The following PCDH9 variants were observed in gnomAD, a reference collection of about 807,000 sequenced individuals.
The protein encoded by PCDH9 is protocadherin 9, also known as protocadherin-9.
In PCDH9, 24 loss-of-function variants were observed where a neutral mutation model predicts 70.6. The observed-to-expected ratio is 0.34, with a 90% CI of 0.25 to 0.48. The LOEUF is 0.48. Ranked by LOEUF, PCDH9 falls within the 20% of genes least tolerant of loss-of-function variation. The probability of loss-of-function intolerance (pLI) is 0.99; values close to 1 mark genes in which losing one functional copy is unlikely to be tolerated. For synonymous variants in PCDH9, 562 were observed against 558.5 expected (o/e 1.01, Z -0.09); for missense variants, 1,281 against 1,503.6 (o/e 0.85, Z 2.45).
At chr13:66,919,418 T>C (rs1235237679) in intron 2 of PCDH9, among the ~76,000 whole-genome samples, 4 of 151,250 alleles carry the variant, frequency 2.6e-5, no homozygotes, top group Non-Finnish European at 5.9e-5. Context: ...TGTATGCTAA[T>C]TGTGTGCATG....
At chr13:66,474,005 T>A (rs893925879) in intron 4 of PCDH9, among the ~76,000 whole-genome samples, 1 of 152,162 alleles carries the variant, frequency 6.6e-6, no homozygotes, top group Non-Finnish European at 1.5e-5. Flanking sequence ...CTATTTAAAA[T>A]TTCCAAAATC....
At chr13:66,695,559 C>G (rs993272948) in intron 3 of PCDH9, among the ~76,000 whole-genome samples, 3 of 152,070 alleles carry the variant, frequency 2.0e-5, no homozygotes, top group African/African-American at 7.2e-5. Flanking sequence ...TATATTATAC[C>G]ATAATTACAT....
intron 2 of PCDH9, among the ~76,000 whole-genome samples, chr13:67,161,415 T>G (rs1213229193): frequency 6.6e-6 from 1 of 152,172 alleles, no homozygotes; most frequent in African/African-American, 2.4e-5. Context: ...ACATCCATGC[T>G]TAAAGCTTTT....
intron 2 of PCDH9, among the ~76,000 whole-genome samples, chr13:66,969,430 T>C (rs1262905010): frequency 6.6e-6 from 1 of 152,072 alleles, no homozygotes; most frequent in African/African-American, 2.4e-5. Context: ...TAATAATAAA[T>C]TGAAATCACT....
At chr13:67,160,642 A>T (rs2087932641) in intron 2 of PCDH9, among the ~76,000 whole-genome samples, 1 of 152,146 alleles carries the variant, frequency 6.6e-6, no homozygotes, top group Non-Finnish European at 1.5e-5. Flanking sequence ...GCAGGTTGAA[A>T]TACTCTTCAC....
At chr13:66,355,461 G>A (rs1956366757) in intron 4 of PCDH9, among the ~76,000 whole-genome samples, 1 of 151,634 alleles carries the variant, frequency 6.6e-6, no homozygotes, top group South Asian at 2.1e-4. Context: ...TTTTGTTTTT[G>A]CCTGTATTTC....
intron 4 of PCDH9, among the ~76,000 whole-genome samples, chr13:66,409,430 A>C (rs756221415): frequency 1.2e-4 from 18 of 152,158 alleles, no homozygotes; most frequent in African/African-American, 2.7e-4. Context: ...CACATTTTGC[A>C]TTGCAAAGGT....
At chr13:66,778,356 C>T (rs1594048415) in intron 3 of PCDH9, among the ~76,000 whole-genome samples, 1 of 152,140 alleles carries the variant, frequency 6.6e-6, no homozygotes, top group South Asian at 2.1e-4. Context: ...ATATCATCTA[C>T]AGTAACACTT....
At chr13:66,575,084 A>G (rs1277530389) in intron 4 of PCDH9, among the ~76,000 whole-genome samples, 1 of 151,926 alleles carries the variant, frequency 6.6e-6, no homozygotes, top group African/African-American at 2.4e-5. Flanking sequence ...GAGGCAGGAG[A>G]AGTTCTTGAA....
chr13:66,953,521 T>G (rs149536767), intron 2 of PCDH9, among the ~76,000 whole-genome samples: 1,694 of 152,340 alleles, frequency 0.011, 15 homozygotes, highest in Middle Eastern at 0.017. Context: ...GCAAGAATTC[T>G]AGTGTACAGT....
At chr13:66,679,957 T>A (rs551608925) in intron 3 of PCDH9, among the ~76,000 whole-genome samples, 22 of 152,140 alleles carry the variant, frequency 1.4e-4, no homozygotes, top group African/African-American at 4.6e-4. Context: ...AACATCTTTT[T>A]TAATACTACT....
At chr13:66,790,000 A>G (rs1323591276) in intron 3 of PCDH9, among the ~76,000 whole-genome samples, 1 of 152,134 alleles carries the variant, frequency 6.6e-6, no homozygotes, top group African/African-American at 2.4e-5. Flanking sequence ...CTAATGCAAT[A>G]TCTGGGTTGC....
intron 2 of PCDH9, among the ~76,000 whole-genome samples, chr13:67,154,595 A>AAAAAAATATATATATATAT (rs1555313195): frequency 2.2e-5 from 2 of 88,988 alleles, no homozygotes; most frequent in African/African-American, 9.0e-5. Flanking sequence ...AAAAAAAAAA[A>AAAAAAATATATATATATAT]ATATATATAT....
chr13:66,902,132 A>G (rs888521689), intron 3 of PCDH9, among the ~76,000 whole-genome samples: 3 of 151,704 alleles, frequency 2.0e-5, no homozygotes, highest in African/African-American at 7.2e-5. Context: ...GAAAAAATCA[A>G]AGGGTTGGAA....
intron 4 of PCDH9, among the ~76,000 whole-genome samples, chr13:66,418,091 T>C (rs1347477807): frequency 6.6e-6 from 1 of 152,230 alleles, no homozygotes; most frequent in African/African-American, 2.4e-5. Context: ...CATGCCTATG[T>C]CCTGAATGGT....
At chr13:67,086,524 G>A (rs1203325405) in intron 2 of PCDH9, among the ~76,000 whole-genome samples, 2 of 152,136 alleles carry the variant, frequency 1.3e-5, no homozygotes, top group South Asian at 4.1e-4. Flanking sequence ...ATTGAAAGAG[G>A]TAAGTGGCCA....
chr13:66,865,356 A>T (rs1205725557), intron 3 of PCDH9, among the ~76,000 whole-genome samples: 3 of 152,152 alleles, frequency 2.0e-5, no homozygotes, highest in Non-Finnish European at 4.4e-5. Context: ...GTATTTCATT[A>T]TTTTTATATA....
At position 66,930,989 on chromosome 13, in the gene PCDH9, C is replaced by A. The variant is rs183052478; in HGVS notation, c.3037-27384G>T. ...ATTGGATGTGCAGGAAATACTTGAA[C>A]AATGCATTAAGTGGCAGCACACACT... On this transcript the variant is annotated intron_variant, in intron 2 of 4. Transcript: ENST00000377865. Among the ~76,000 whole-genome samples, 685 of 152,234 alleles carry A rather than the reference C, an allele frequency of 4.5e-3. 7 individuals carry two copies. The highest frequency in any genetic ancestry group is 0.016 in the African/African-American group (652 of 41,560).
intron 2 of PCDH9, among the ~76,000 whole-genome samples, chr13:67,107,307 G>C (rs1927824): frequency 0.086 from 12,178 of 142,232 alleles, 1,119 homozygotes; most frequent in African/African-American, 0.24. Flanking sequence ...TCCAGGTGGA[G>C]CAGGCAGCCC....
Sources: gnomAD v4.1 joint callset for allele counts (sites outside exome capture counted in the v4.1 genomes callset) on GRCh38, gnomAD v4.1.1 for gene constraint, MANE v1.5 for transcripts, NCBI Gene and HGNC (gene_info 2026-07-23, HGNC 2026-07-21) for gene names.